TBC1D14: variants seen among roughly 807,000 people sequenced by gnomAD.
TBC1D14 encodes the protein TBC1 domain family member 14, also known as TBC1 domain family, member 14.
A neutral mutation model predicts 79.0 loss-of-function variants in TBC1D14; 26 were observed. The observed-to-expected ratio is 0.33, with a 90% CI of 0.24 to 0.46. The LOEUF (loss-of-function observed/expected upper bound fraction) is 0.46. Ranked by LOEUF, TBC1D14 falls within the 20% of genes least tolerant of loss-of-function variation. The pLI is 1.00. For missense variants in TBC1D14, 769 were observed against 887.6 expected (o/e 0.87, Z 1.70); for synonymous variants, 394 against 349.9 (o/e 1.13, Z -1.40).
chr4:6,983,948 GCA>G (rs1448083297), intron 3 of TBC1D14, among the ~76,000 whole-genome samples: 1 of 152,342 alleles, frequency 6.6e-6, no homozygotes, highest in Middle Eastern at 3.4e-3. Flanking sequence ...AGTGTTGAGA[GCA>G]CAGTTTCTTT....
In TBC1D14 at chr4:7,006,579, G is replaced by T. The variant is rs1720217688; in HGVS notation, c.1352-53G>T. The T allele has an allele frequency of 3.3e-6, 5 of 1,516,214 alleles. No homozygotes were observed. In the South Asian group the frequency reaches 5.8e-5, roughly 17 times the overall value. The allele number at this position is 1,516,214 out of a possible 1,614,324, so 93.9% of individuals were successfully genotyped here. A position where few individuals can be genotyped will look rare whatever the true frequency, so the allele number is the denominator to read the frequency against. On this transcript the variant is annotated intron_variant, in intron 8 of 13. Coordinates refer to ENST00000409757, the MANE Select transcript of TBC1D14 (RefSeq NM_020773.3). ...TGTAAAACTTCAAAGGCTCGTAATT[G>T]TCCTACATTCGTGCCCTTGAGGAAT...
chr4:6,929,401 TGAG>T (rs1309836984), intron 2 of TBC1D14, among the ~76,000 whole-genome samples: 2 of 152,102 alleles, frequency 1.3e-5, no homozygotes, highest in Non-Finnish European at 2.9e-5. Context: ...TACTGTGTGA[TGAG>T]GATCTGGAGA....
Position 7,004,801 on chromosome 4 carries a change from A to G in TBC1D14, c.1271-43A>G, listed in dbSNP as rs1168663773. On this transcript the variant is annotated intron_variant, in intron 7 of 13. Coordinates refer to ENST00000409757, the MANE Select transcript of TBC1D14 (RefSeq NM_020773.3). ...GTGTTCTGTGGTGGTTTTGACGAAA[A>G]ATACATGTGCACGTAATACTTACCC... 6 of 1,598,982 alleles carry G rather than the reference A, an allele frequency of 3.8e-6. No homozygotes were observed. In the African/African-American group the frequency reaches 6.7e-5, roughly 18 times the overall value.
intron 5 of TBC1D14, among the ~76,000 whole-genome samples, chr4:6,998,565 GT>G (rs1414299941): frequency 6.6e-6 from 1 of 150,870 alleles, no homozygotes; most frequent in Non-Finnish European, 1.5e-5. Context: ...TTGAGGTGTA[GT>G]CTCGCTCTGT....
intron 1 of TBC1D14, among the ~76,000 whole-genome samples, chr4:6,919,152 CTTTTTT>C (rs879322215): frequency 6.9e-6 from 1 of 145,636 alleles, no homozygotes; most frequent in Non-Finnish European, 1.5e-5. Flanking sequence ...GTAATTTCAC[CTTTTTT>C]TTTTTTTAGA....
intron 2 of TBC1D14, among the ~76,000 whole-genome samples, chr4:6,932,476 C>T (rs1399708192): frequency 6.6e-6 from 1 of 151,998 alleles, no homozygotes; most frequent in Non-Finnish European, 1.5e-5. Flanking sequence ...GCAGGCAGGC[C>T]TGATGCATTT....
chr4:7,016,116 C>G (rs991606341), intron 12 of TBC1D14, among the ~76,000 whole-genome samples: 1 of 152,058 alleles, frequency 6.6e-6, no homozygotes, highest in African/African-American at 2.4e-5. Flanking sequence ...CTTTGGGATT[C>G]TTGGTTTGTT....
chr4:6,940,363 G>T (rs963560358), intron 2 of TBC1D14, among the ~76,000 whole-genome samples: 2 of 152,218 alleles, frequency 1.3e-5, no homozygotes, highest in Admixed American at 6.5e-5. Flanking sequence ...AGCACACAGT[G>T]GGTGTGAAAC....
chr4:6,944,335 A>C (rs1713218626), intron 2 of TBC1D14, among the ~76,000 whole-genome samples: 1 of 152,228 alleles, frequency 6.6e-6, no homozygotes, highest in Non-Finnish European at 1.5e-5. Context: ...CATCCTGTGA[A>C]TCATTTGCTT....
intron 1 of TBC1D14, among the ~76,000 whole-genome samples, chr4:6,914,572 G>A (rs879353445): frequency 1.2e-4 from 19 of 152,152 alleles, no homozygotes; most frequent in Non-Finnish European, 2.4e-4. Context: ...CCTTTAGACC[G>A]CAGTCTTCTT....
At chr4:6,960,008 C>T (rs895965867) in intron 2 of TBC1D14, among the ~76,000 whole-genome samples, 2 of 151,324 alleles carry the variant, frequency 1.3e-5, no homozygotes, top group African/African-American at 2.4e-5. Flanking sequence ...ATCAGCAACA[C>T]GTTTGCATGG....
intron 3 of TBC1D14, among the ~76,000 whole-genome samples, chr4:6,969,218 A>G (rs934242845): frequency 2.6e-5 from 4 of 152,214 alleles, no homozygotes; most frequent in Non-Finnish European, 5.9e-5. Context: ...ATACAATTAA[A>G]GTATGATGAG....
chr4:6,940,767 G>A (rs1360846293), intron 2 of TBC1D14, among the ~76,000 whole-genome samples: 2 of 152,166 alleles, frequency 1.3e-5, no homozygotes, highest in African/African-American at 2.4e-5. Context: ...CTGGGCGGCT[G>A]GACACAGTGC....
intron 2 of TBC1D14, among the ~76,000 whole-genome samples, chr4:6,929,489 C>T (rs1348661902): frequency 1.3e-5 from 2 of 152,070 alleles, no homozygotes; most frequent in Non-Finnish European, 2.9e-5. Context: ...AGCTGGCCTT[C>T]GAAAGTGCTG....
At chr4:6,910,997 T>G (rs1349856870) in intron 1 of TBC1D14, among the ~76,000 whole-genome samples, 1 of 152,202 alleles carries the variant, frequency 6.6e-6, no homozygotes, top group Non-Finnish European at 1.5e-5. Context: ...TGTTGGCACC[T>G]AGTTGCTGTC....
chr4:6,920,090 T>G (rs954887416), intron 1 of TBC1D14, among the ~76,000 whole-genome samples: 3 of 152,066 alleles, frequency 2.0e-5, no homozygotes, highest in African/African-American at 7.2e-5. Flanking sequence ...AATTTTTACT[T>G]TTGGTAGAGA....
intron 8 of TBC1D14, among the ~76,000 whole-genome samples, chr4:7,005,558 G>A (rs953876487): frequency 3.3e-5 from 5 of 151,932 alleles, no homozygotes; most frequent in African/African-American, 4.8e-5. Context: ...AATTAGCTAG[G>A]CGTGGTGATG....
At chr4:6,923,336 A>G in intron 1 of TBC1D14, 37 bp from the exon 2 acceptor site, 1 of 1,548,062 alleles carries the variant, frequency 6.5e-7, no homozygotes, top group Non-Finnish European at 8.7e-7. Context: ...TTTGAATTTT[A>G]TATCCACTTT....
At position 7,010,697 on chromosome 4, in the gene TBC1D14, A is replaced by C; in HGVS notation, c.1563A>C (p.Leu521Phe). 4 of 1,613,854 alleles carry C rather than the reference A, an allele frequency of 2.5e-6. No individual in the cohort carries two copies. The highest frequency in any genetic ancestry group is 3.4e-6 in the Non-Finnish European group (4 of 1,179,956). ...SFIAAVLILN[L>F]DTADAFIAFS... is the part of the protein sequence containing the mutation. ...TAGCAGCAGTGTTGATCTTGAACTT[A>C]GATACTGCAGATGCCTTTATTGCCT... Residue 521 changes from leucine to phenylalanine, a missense_variant, in exon 11 of 14, where the codon TTA becomes TTC. Coordinates refer to ENST00000409757, the MANE Select transcript of TBC1D14 (RefSeq NM_020773.3).
Sources: allele counts gnomAD v4.1 joint callset (sites outside exome capture counted in the v4.1 genomes callset), GRCh38; gene constraint gnomAD v4.1.1; transcripts MANE v1.5; gene names NCBI Gene and HGNC (gene_info 2026-07-23, HGNC 2026-07-21).